GTF2E2: variants seen among roughly 807,000 people sequenced by gnomAD.
The protein encoded by GTF2E2 is general transcription factor IIE subunit 2, also known as transcription initiation factor IIE subunit beta.
In GTF2E2, 21 loss-of-function variants were observed where a neutral mutation model predicts 40.5. The observed-to-expected ratio is 0.52, with a 90% confidence interval of 0.37 to 0.75. The LOEUF (loss-of-function observed/expected upper bound fraction) is 0.75. GTF2E2 is among the 30% of genes least tolerant of loss of function. The probability of loss-of-function intolerance (pLI) is 0.00; values close to 1 mark genes in which losing one functional copy is unlikely to be tolerated. For synonymous variants in GTF2E2, 117 were observed against 121.6 expected, an observed-to-expected ratio of 0.96 and a Z score of 0.25; for missense variants, 298 against 338.4, an observed-to-expected ratio of 0.88 and a Z score of 0.94.
intron 3 of GTF2E2, among the ~76,000 whole-genome samples, chr8:30,621,643 AT>A (rs1173529058): frequency 6.6e-6 from 1 of 151,880 alleles, no homozygotes; most frequent in South Asian, 2.1e-4. Flanking sequence ...TCACTTTCTT[AT>A]TTTTTTATTG....
chr8:30,628,782 T>A (rs1445194379), intron 3 of GTF2E2, among the ~76,000 whole-genome samples: 2 of 151,818 alleles, frequency 1.3e-5, no homozygotes, highest in African/African-American at 2.4e-5. Context: ...ATACAAAAAA[T>A]TAGCCGGGTG....
chr8:30,625,069 C>CA (rs1249520679), intron 3 of GTF2E2, among the ~76,000 whole-genome samples: 3 of 151,970 alleles, frequency 2.0e-5, no homozygotes, highest in Non-Finnish European at 4.4e-5. Flanking sequence ...TGAGAGAGGG[C>CA]ATCCCTGTCT....
Position 30,578,839 on chromosome 8 carries a change from A to C in GTF2E2, c.*82T>G. 1 of 782,340 alleles carries C rather than the reference A, an allele frequency of 1.3e-6. No homozygotes were observed. The highest frequency in any genetic ancestry group is 2.3e-6 in the Non-Finnish European group (1 of 428,822). The allele number at this position is 782,340 out of a possible 1,614,324, so 48.5% of individuals were successfully genotyped here. A position where few individuals can be genotyped will look rare whatever the true frequency, so the allele number is the denominator to read the frequency against. On this transcript the variant is annotated 3_prime_UTR_variant, in exon 8 of 8. Transcript: ENST00000355904. ...TCCTCAGCCGCAAGAAGCAGATAGG[A>C]AGACAGTCTTCAGACCCCGAGCATC...
intron 2 of GTF2E2, among the ~76,000 whole-genome samples, chr8:30,650,162 A>T (rs746772159): frequency 6.6e-6 from 1 of 152,214 alleles, no homozygotes; most frequent in Non-Finnish European, 1.5e-5. Context: ...GTCCCTCAGG[A>T]ATAGAGATGC....
chr8:30,623,373 A>G (rs946646148), intron 3 of GTF2E2, among the ~76,000 whole-genome samples: 1 of 152,038 alleles, frequency 6.6e-6, no homozygotes, highest in Non-Finnish European at 1.5e-5. Flanking sequence ...AAGGACATGA[A>G]CTCATCATTT....
chr8:30,626,854 A>G (rs960437394), intron 3 of GTF2E2, among the ~76,000 whole-genome samples: 12 of 152,340 alleles, frequency 7.9e-5, no homozygotes, highest in African/African-American at 2.2e-4. Context: ...ACAATTTATG[A>G]CTCCAGCAAA....
At chr8:30,580,604 C>G (rs1288856984) in intron 6 of GTF2E2, among the ~76,000 whole-genome samples, 1 of 152,178 alleles carries the variant, frequency 6.6e-6, no homozygotes, top group African/African-American at 2.4e-5. Flanking sequence ...ACAGCCCCGA[C>G]AGTGGGGCTG....
At chr8:30,654,088 CAAA>C (rs11307086) in intron 1 of GTF2E2, among the ~76,000 whole-genome samples, 89 of 115,288 alleles carry the variant, frequency 7.7e-4, no homozygotes, top group Non-Finnish European at 9.5e-4. Context: ...GACCCTTGTT[CAAA>C]AAAAAAAAAA....
At chr8:30,636,051 C>G (rs1161249175) in intron 2 of GTF2E2, among the ~76,000 whole-genome samples, 2 of 152,076 alleles carry the variant, frequency 1.3e-5, no homozygotes, top group African/African-American at 4.8e-5. Context: ...GAAACACCCC[C>G]CTCTCCTTCT....
At chr8:30,635,289 A>G (rs1335971111) in intron 2 of GTF2E2, among the ~76,000 whole-genome samples, 166 bp from the exon 3 acceptor site, 2 of 152,172 alleles carry the variant, frequency 1.3e-5, no homozygotes, top group Non-Finnish European at 2.9e-5. Context: ...TATATACATT[A>G]AAGTACCAAT....
chr8:30,580,544 A>G (rs1005918863), intron 6 of GTF2E2, 148 bp from the exon 7 acceptor site: 6 of 616,238 alleles, frequency 9.7e-6, no homozygotes, highest in African/African-American at 5.5e-5. Context: ...CAGAACATCC[A>G]CATGTGGGAC....
At chr8:30,614,308 A>T (rs1800842682) in intron 4 of GTF2E2, among the ~76,000 whole-genome samples, 3 of 152,234 alleles carry the variant, frequency 2.0e-5, no homozygotes, top group Admixed American at 2.0e-4. Flanking sequence ...GGCAAGGCGC[A>T]GTGGCTCATG....
intron 2 of GTF2E2, chr8:30,646,165 T>C (rs549117624): frequency 2.0e-5 from 3 of 152,378 alleles, no homozygotes; most frequent in Middle Eastern, 3.4e-3. Context: ...ACAAGTATAT[T>C]TGCACAAAAT....
chr8:30,618,300 G>A (rs529355500), intron 3 of GTF2E2, among the ~76,000 whole-genome samples: 2 of 149,348 alleles, frequency 1.3e-5, no homozygotes, highest in South Asian at 2.2e-4. Context: ...GCGGGGGGGA[G>A]TTACGCTTTA....
At chr8:30,581,634 A>AT (rs1828517095) in intron 6 of GTF2E2, among the ~76,000 whole-genome samples, 1 of 152,194 alleles carries the variant, frequency 6.6e-6, no homozygotes, top group African/African-American at 2.4e-5. Flanking sequence ...TCTAAATAAG[A>AT]TTTTTTAATT....
At chr8:30,617,861 G>A (rs759735416) in intron 3 of GTF2E2, among the ~76,000 whole-genome samples, 1 of 152,068 alleles carries the variant, frequency 6.6e-6, no homozygotes, top group Non-Finnish European at 1.5e-5. Flanking sequence ...TGATTAACTA[G>A]AATACGGGGA....
At chr8:30,640,653 C>T (rs1328550763) in intron 2 of GTF2E2, among the ~76,000 whole-genome samples, 1 of 152,180 alleles carries the variant, frequency 6.6e-6, no homozygotes, top group East Asian at 1.9e-4. Flanking sequence ...TATAAACTTA[C>T]ATTTTAATTT....
rs557237364 is a variant in GTF2E2 at position 30,656,935 on chromosome 8, A to C, written c.-5+1038T>G. ...TGTTATTCCTATTTTAATACGTGAA[A>C]TCTGAAGTGAAGCTGTCTGGTTAAG... On this transcript the variant is annotated intron_variant, in intron 1 of 7. Coordinates refer to ENST00000355904, the MANE Select transcript of GTF2E2 (RefSeq NM_002095.6). 2.6e-5 allele frequency: 4 copies of C among 152,300 alleles called. No homozygotes were observed. In the South Asian group the frequency reaches 8.3e-4, roughly 32 times the overall value. The allele number at this position is 152,300 out of a possible 1,614,324, so 9.4% of individuals were successfully genotyped here. A position where few individuals can be genotyped will look rare whatever the true frequency, so the allele number is the denominator to read the frequency against.
At chr8:30,655,246 T>C (rs1802416518) in intron 1 of GTF2E2, among the ~76,000 whole-genome samples, 1 of 151,142 alleles carries the variant, frequency 6.6e-6, no homozygotes, top group African/African-American at 2.4e-5. Context: ...AGGGAGGTGG[T>C]TTGAGGCAAC....
Sources: gnomAD v4.1 joint callset for allele counts (sites outside exome capture counted in the v4.1 genomes callset) on GRCh38, gnomAD v4.1.1 for gene constraint, MANE v1.5 for transcripts, NCBI Gene and HGNC (gene_info 2026-07-23, HGNC 2026-07-21) for gene names.